The following AK5 variants were observed in gnomAD, a reference collection of about 807,000 sequenced individuals.
AK5 encodes the protein adenylate kinase isoenzyme 5.
Under a neutral mutation model 69.5 loss-of-function variants are expected in AK5, and 27 were observed. The observed-to-expected ratio is 0.39, with a 90% CI of 0.29 to 0.54. The LOEUF is 0.54. Among genes scored for constraint, AK5 ranks in the 20% least tolerant of loss-of-function variants. The pLI is 0.71. For missense variants in AK5, 531 were observed against 700.4 expected (o/e 0.76, Z 2.73); for synonymous variants, 260 against 244.4 (o/e 1.06, Z -0.60).
At chr1:77,437,888 G>A (rs1303287068) in intron 8 of AK5, among the ~76,000 whole-genome samples, 1 of 151,880 alleles carries the variant, frequency 6.6e-6, no homozygotes, top group Non-Finnish European at 1.5e-5. Flanking sequence ...TCAAGATTTC[G>A]ACCTGTTTGA....
chr1:77,382,418 A>G (rs556848310), intron 6 of AK5, among the ~76,000 whole-genome samples: 2 of 152,282 alleles, frequency 1.3e-5, no homozygotes, highest in South Asian at 4.1e-4. Context: ...TGGTGTAATC[A>G]CAGCTCACTG....
chr1:77,366,223 C>A (rs1646947622), intron 6 of AK5, among the ~76,000 whole-genome samples: 1 of 152,160 alleles, frequency 6.6e-6, no homozygotes, highest in Non-Finnish European at 1.5e-5. Flanking sequence ...TACTTAGTTT[C>A]TTTAAGCCTC....
chr1:77,462,978 C>G (rs929240366), intron 8 of AK5, among the ~76,000 whole-genome samples: 7 of 152,176 alleles, frequency 4.6e-5, no homozygotes, highest in African/African-American at 1.7e-4. Flanking sequence ...CCCCTGCTGC[C>G]TTATTTGCAA....
At chr1:77,357,015 C>T (rs997715807) in intron 6 of AK5, among the ~76,000 whole-genome samples, 1 of 152,110 alleles carries the variant, frequency 6.6e-6, no homozygotes, top group Non-Finnish European at 1.5e-5. Context: ...CTGTCTTCTT[C>T]CGATTTGGCT....
intron 6 of AK5, among the ~76,000 whole-genome samples, chr1:77,352,903 A>T (rs1470741364): frequency 6.6e-6 from 1 of 152,206 alleles, no homozygotes; most frequent in East Asian, 1.9e-4. Flanking sequence ...TTTCTTTAAT[A>T]CAGGCATTTA....
intron 11 of AK5, 33 bp from the exon 12 acceptor site, chr1:77,521,794 G>A: frequency 1.3e-6 from 2 of 1,528,390 alleles, no homozygotes; most frequent in Non-Finnish European, 1.8e-6. Context: ...CTGTGAAAGA[G>A]CTCAGGTCCT....
chr1:77,558,186 G>C (rs921825609), intron 13 of AK5, among the ~76,000 whole-genome samples: 1 of 152,214 alleles, frequency 6.6e-6, no homozygotes, highest in Non-Finnish European at 1.5e-5. Flanking sequence ...TTTTTGGGTA[G>C]ATGTTCAGGT....
chr1:77,340,616 G>T, intron 6 of AK5, 48 bp downstream of exon 6: 2 of 1,553,922 alleles, frequency 1.3e-6, no homozygotes, highest in Non-Finnish European at 1.8e-6. Flanking sequence ...CGCTCTTTCA[G>T]ATTTCTCATT....
intron 5 of AK5, among the ~76,000 whole-genome samples, chr1:77,322,593 C>A (rs770925486): frequency 6.6e-6 from 1 of 152,078 alleles, no homozygotes; most frequent in Non-Finnish European, 1.5e-5. Flanking sequence ...GGTCTTTGAA[C>A]TAAAAAAGAT....
intron 10 of AK5, among the ~76,000 whole-genome samples, chr1:77,516,407 T>A (rs1221795597): frequency 1.3e-5 from 2 of 151,374 alleles, no homozygotes; most frequent in East Asian, 1.9e-4. Context: ...CTAGAATAGA[T>A]GTGAAATGTC....
chr1:77,327,404 A>C (rs1157730695), intron 5 of AK5, among the ~76,000 whole-genome samples: 12 of 151,982 alleles, frequency 7.9e-5, no homozygotes, highest in Non-Finnish European at 1.6e-4. Context: ...AAAAAAAAAA[A>C]AAAACACATA....
chr1:77,290,084 C>T (rs1007930424), intron 2 of AK5, among the ~76,000 whole-genome samples: 8 of 152,130 alleles, frequency 5.3e-5, no homozygotes, highest in Admixed American at 5.2e-4. Context: ...TGATACTTTA[C>T]CAAAATTCCC....
chr1:77,498,568 C>T (rs1656500936), intron 10 of AK5, among the ~76,000 whole-genome samples: 3 of 152,182 alleles, frequency 2.0e-5, no homozygotes, highest in South Asian at 4.1e-4. Flanking sequence ...TCCTCAGTTT[C>T]TTCACCTGTC....
intron 11 of AK5, among the ~76,000 whole-genome samples, chr1:77,520,155 A>G (rs1413255083): frequency 1.3e-5 from 2 of 148,792 alleles, no homozygotes; most frequent in Admixed American, 1.4e-4. Flanking sequence ...GTGAACCAAG[A>G]TCACGCCTCT....
intron 8 of AK5, among the ~76,000 whole-genome samples, chr1:77,452,777 A>G (rs1039473799): frequency 2.6e-5 from 4 of 152,234 alleles, no homozygotes; most frequent in Non-Finnish European, 4.4e-5. Flanking sequence ...AGAAACAACA[A>G]TATTATTCAA....
chr1:77,310,181 G>A (rs991123919), intron 5 of AK5, among the ~76,000 whole-genome samples: 1 of 152,100 alleles, frequency 6.6e-6, no homozygotes, highest in African/African-American at 2.4e-5. Context: ...GTGGTCCAAA[G>A]AACGTTTGTT....
chr1:77,465,317 A>G (rs1462200377), intron 8 of AK5, among the ~76,000 whole-genome samples: 1 of 152,224 alleles, frequency 6.6e-6, no homozygotes, highest in Non-Finnish European at 1.5e-5. Context: ...AATTCATTGA[A>G]GGCAATGAGT....
intron 6 of AK5, among the ~76,000 whole-genome samples, chr1:77,404,861 A>C (rs1478044453): frequency 1.3e-5 from 2 of 152,236 alleles, no homozygotes; most frequent in Admixed American, 1.3e-4. Flanking sequence ...TATTCAACAA[A>C]TACTTGTTAA....
At chr1:77,557,552 A>T (rs1315873245) in intron 13 of AK5, among the ~76,000 whole-genome samples, 1 of 152,128 alleles carries the variant, frequency 6.6e-6, no homozygotes, top group Admixed American at 6.5e-5. Context: ...GCTTCCCTTC[A>T]TATGTCCTCC....
Sources: allele counts gnomAD v4.1 joint callset (sites outside exome capture counted in the v4.1 genomes callset), GRCh38; gene constraint gnomAD v4.1.1; transcripts MANE v1.5; gene names NCBI Gene and HGNC (gene_info 2026-07-23, HGNC 2026-07-21).